TSPAN2: variants seen among roughly 807,000 people sequenced by gnomAD.
TSPAN2 encodes the protein tetraspanin 2, also known as tetraspanin-2.
Under a neutral mutation model 33.3 loss-of-function variants are expected in TSPAN2, and 24 were observed. The observed-to-expected ratio is 0.72, with a 90% CI of 0.52 to 1.01. The LOEUF is 1.01. Among genes scored for constraint, TSPAN2 ranks in the 50% least tolerant of loss-of-function variants. The pLI is 0.00. For missense variants in TSPAN2, 278 were observed against 281.3 expected (o/e 0.99, Z 0.08); for synonymous variants, 114 against 104.5 (o/e 1.09, Z -0.56).
chr1:115,079,727 G>A (rs1477711841), intron 1 of TSPAN2, among the ~76,000 whole-genome samples: 1 of 152,200 alleles, frequency 6.6e-6, no homozygotes, highest in Non-Finnish European at 1.5e-5. Flanking sequence ...GCAGCCTGTG[G>A]CGATGAGAAG....
At chr1:115,079,158 C>CACACAT (rs1056811045) in intron 1 of TSPAN2, among the ~76,000 whole-genome samples, 1 of 149,730 alleles carries the variant, frequency 6.7e-6, no homozygotes, top group African/African-American at 2.4e-5. Flanking sequence ...CACACACACA[C>CACACAT]ACACACACAC....
chr1:115,062,103 C>G (rs1435659942), intron 3 of TSPAN2, 32 bp downstream of exon 3: 1 of 1,491,370 alleles, frequency 6.7e-7, no homozygotes, highest in South Asian at 1.2e-5. Context: ...CCCTCACCCC[C>G]ACCCCACCAT....
chr1:115,065,693 A>C (rs536759561), intron 2 of TSPAN2, among the ~76,000 whole-genome samples: 1 of 152,322 alleles, frequency 6.6e-6, no homozygotes, highest in African/African-American at 2.4e-5. Flanking sequence ...ACAATGTGTA[A>C]GGATCAAATC....
chr1:115,086,306 G>A (rs2101051423), intron 1 of TSPAN2, among the ~76,000 whole-genome samples: 2 of 152,334 alleles, frequency 1.3e-5, no homozygotes, highest in South Asian at 2.1e-4. Context: ...AGTACACCCT[G>A]TTTGTGCAGG....
At chr1:115,061,388 G>C (rs1355294403) in intron 3 of TSPAN2, among the ~76,000 whole-genome samples, 3 of 152,166 alleles carry the variant, frequency 2.0e-5, no homozygotes, top group African/African-American at 7.2e-5. Flanking sequence ...GAAATTATTT[G>C]ATTTTTGTTT....
intron 5 of TSPAN2, chr1:115,058,369 G>A: frequency 5.3e-6 from 1 of 189,740 alleles, no homozygotes; most frequent in Non-Finnish European, 1.1e-5. Context: ...TCCACGGACA[G>A]CACAGTCCCA....
At chr1:115,072,218 C>G (rs989443153) in intron 2 of TSPAN2, among the ~76,000 whole-genome samples, 9 of 152,078 alleles carry the variant, frequency 5.9e-5, no homozygotes, top group Non-Finnish European at 1.3e-4. Context: ...GGCTGCACCC[C>G]ACCCCACACT....
chr1:115,080,150 C>T (rs1444882756), intron 1 of TSPAN2, among the ~76,000 whole-genome samples: 2 of 152,176 alleles, frequency 1.3e-5, no homozygotes, highest in Admixed American at 6.5e-5. Context: ...AGATAATTTA[C>T]ATATAGACAG....
chr1:115,050,284 G>A lies in TSPAN2; in HGVS notation c.*206C>T. The A allele has an allele frequency of 1.6e-6, 1 of 611,716 alleles. No individual in the cohort carries two copies. Among genetic ancestry groups the A allele is most frequent in the Non-Finnish European group, 2.9e-6 (1 of 345,430 alleles). 37.9% of individuals were successfully genotyped at this position (611,716 alleles called of 1,614,324 possible). ...TTCCAGAAACACGCAGATCACACAT[G>A]AATATGCTCTCAGTCATCATAAACA... On this transcript the variant is annotated 3_prime_UTR_variant, in exon 8 of 8. Transcript: ENST00000369516.
intron 3 of TSPAN2, among the ~76,000 whole-genome samples, chr1:115,060,792 C>T (rs7518191): frequency 0.3 from 44,921 of 151,974 alleles, 6,833 homozygotes; most frequent in East Asian, 0.45. Flanking sequence ...GAGGAATATA[C>T]GATAACTGTG....
At chr1:115,079,130 T>A (rs1270144276) in intron 1 of TSPAN2, among the ~76,000 whole-genome samples, 6 of 97,890 alleles carry the variant, frequency 6.1e-5, no homozygotes, top group Non-Finnish European at 1.2e-4. Context: ...ACAATACAAT[T>A]ATAGCGCCAC....
At chr1:115,066,440 TGG>T (rs1250426721) in intron 2 of TSPAN2, among the ~76,000 whole-genome samples, 1 of 152,224 alleles carries the variant, frequency 6.6e-6, no homozygotes, top group East Asian at 1.9e-4. Flanking sequence ...TCATTCTAGC[TGG>T]GGTAAGATAT....
intron 1 of TSPAN2, among the ~76,000 whole-genome samples, chr1:115,088,346 C>T (rs1967711): frequency 0.26 from 39,814 of 152,108 alleles, 5,605 homozygotes; most frequent in South Asian, 0.35. Flanking sequence ...TTCAAAGCAC[C>T]CAGGCCCTGG....
chr1:115,061,989 A>C, intron 3 of TSPAN2, 146 bp downstream of exon 3: 3 of 669,972 alleles, frequency 4.5e-6, no homozygotes, highest in Non-Finnish European at 5.2e-6. Context: ...AGATGGAGAA[A>C]CCAAGACTGA....
intron 7 of TSPAN2, 51 bp downstream of exon 7, chr1:115,053,328 G>A (rs927181668): frequency 6.5e-7 from 1 of 1,527,918 alleles, no homozygotes; most frequent in African/African-American, 1.4e-5. Context: ...AAGATGCAAA[G>A]TTTCAAGGCT....
At chr1:115,054,885 G>C (rs1265267614) in intron 6 of TSPAN2, among the ~76,000 whole-genome samples, 1 of 152,136 alleles carries the variant, frequency 6.6e-6, no homozygotes, top group Non-Finnish European at 1.5e-5. Context: ...TACTAGCGGG[G>C]CTGAGGCAGG....
At chr1:115,076,196 T>C (rs1489086872) in intron 1 of TSPAN2, among the ~76,000 whole-genome samples, 2 of 152,198 alleles carry the variant, frequency 1.3e-5, no homozygotes, top group African/African-American at 4.8e-5. Flanking sequence ...AAGGAACGAC[T>C]GGCAGCAGAG....
intron 1 of TSPAN2, among the ~76,000 whole-genome samples, chr1:115,076,197 G>T (rs995751295): frequency 4.6e-5 from 7 of 152,276 alleles, no homozygotes; most frequent in African/African-American, 1.4e-4. Flanking sequence ...AGGAACGACT[G>T]GCAGCAGAGG....
chr1:115,050,668 T>C, intron 7 of TSPAN2, 113 bp from the exon 8 acceptor site: 4 of 802,560 alleles, frequency 5.0e-6, no homozygotes, highest in Non-Finnish European at 8.5e-6. Context: ...TAACCAATAA[T>C]TACCAGTCAC....
Sources: allele counts gnomAD v4.1 joint callset (sites outside exome capture counted in the v4.1 genomes callset), GRCh38; gene constraint gnomAD v4.1.1; transcripts MANE v1.5; gene names NCBI Gene and HGNC (gene_info 2026-07-23, HGNC 2026-07-21).